ZFYVE26: variants seen among roughly 807,000 people sequenced by gnomAD.
ZFYVE26 encodes the protein zinc finger FYVE-type containing 26, also known as zinc finger FYVE domain-containing protein 26.
In ZFYVE26, 181 loss-of-function variants were observed where a neutral mutation model predicts 276.5. That is an observed-to-expected ratio of 0.65 (90% CI 0.58 to 0.74). The LOEUF is 0.74. Ranked by LOEUF, ZFYVE26 falls within the 30% of genes least tolerant of loss-of-function variation. The pLI is 0.00. For synonymous variants in ZFYVE26, 1,129 were observed against 1,203.1 expected, an observed-to-expected ratio of 0.94 and a Z score of 1.27; for missense variants, 2,821 against 3,097.9, an observed-to-expected ratio of 0.91 and a Z score of 2.12.
In ZFYVE26 at chr14:67,788,130, C is replaced by T. The variant is rs544589788; in HGVS notation, c.3019+1205G>A. 2.4e-4 allele frequency among the ~76,000 whole-genome samples: 36 copies of T among 151,864 alleles called. 1 individual carries two copies. The South Asian group carries it at 7.5e-3, about 32-fold the overall frequency. ...GGGTGGTTGGGTGCGGTGGCTCACG[C>T]CTATAATCCCAGCACTTTGGGAGGC... is the stretch of plus-strand genomic sequence containing the variant. On this transcript the variant is annotated intron_variant, in intron 16 of 41. Coordinates refer to ENST00000347230, the MANE Select transcript of ZFYVE26 (RefSeq NM_015346.4).
chr14:67,761,244 G>T, intron 35 of ZFYVE26, 122 bp downstream of exon 35: 1 of 908,144 alleles, frequency 1.1e-6, no homozygotes, highest in Non-Finnish European at 1.8e-6. Flanking sequence ...CTCTGCTAGA[G>T]ATGGCCCCAT....
chr14:67,798,126 A>C lies in ZFYVE26; in HGVS notation c.2136T>G (p.Ser712Arg). The C allele has an allele frequency of 5.0e-6, 8 of 1,613,962 alleles. No homozygotes were observed. Among genetic ancestry groups the C allele is most frequent in the Non-Finnish European group, 6.8e-6 (8 of 1,179,984 alleles). ...CATCTCTGCTTCCTGAGCAGCTCTGACTTTCTTGCTTTGGCTTCTCAGGAG... is the reference window on the plus strand; with the variant it reads ...CATCTCTGCTTCCTGAGCAGCTCTGCCTTTCTTGCTTTGGCTTCTCAGGAG... The part of the protein sequence containing the change: ...RSPPEKPKQE[S>R]QSCSGSRDGL... Residue 712 changes from serine (S) to arginine (R), a missense_variant, in exon 11 of 42, where the codon AGT becomes AGG. Physicochemically the swap from Ser to Arg is moderately radical, Grantham distance 110. Transcript: ENST00000347230.
chr14:67,768,494 C>A (rs374409861), intron 30 of ZFYVE26, 23 bp downstream of exon 30: 35 of 1,613,518 alleles, frequency 2.2e-5, no homozygotes, highest in Non-Finnish European at 2.8e-5. Flanking sequence ...TGAAGAGTCA[C>A]AGAGAACGGG....
chr14:67,785,723 T>G, intron 18 of ZFYVE26, 135 bp downstream of exon 18: 1 of 1,190,740 alleles, frequency 8.4e-7, no homozygotes, highest in Non-Finnish European at 1.2e-6. Context: ...CATTGAGACA[T>G]GCCCTGGCTA....
chr14:67,804,374 G>T, intron 8 of ZFYVE26, 110 bp from the exon 9 acceptor site: 4 of 1,334,242 alleles, frequency 3.0e-6, no homozygotes, highest in Non-Finnish European at 4.2e-6. Context: ...AATGCCACAG[G>T]CTTCCCTTCC....
chr14:67,748,372 G>A lies in ZFYVE26; in HGVS notation c.*64C>T. The A allele has an allele frequency of 3.2e-6, 5 of 1,547,658 alleles. No individual in the cohort carries two copies. The highest frequency in any genetic ancestry group is 2.3e-4 in the Middle Eastern group (1 of 4,328). On this transcript the variant is annotated 3_prime_UTR_variant, in exon 42 of 42. Coordinates refer to ENST00000347230, the MANE Select transcript of ZFYVE26 (RefSeq NM_015346.4). ...ACTCCACTGGAGGAAAGAGGTGGAG[G>A]GCATCGCCATCACTGCTGTTGCCCA...
chr14:67,803,358 T>A (rs888037059), intron 9 of ZFYVE26, among the ~76,000 whole-genome samples: 11 of 152,348 alleles, frequency 7.2e-5, no homozygotes, highest in East Asian at 5.8e-4. Context: ...TCTTCTTTTT[T>A]TGAGATGGAG....
chr14:67,785,721 C>T, intron 18 of ZFYVE26, 137 bp downstream of exon 18: 2 of 1,173,642 alleles, frequency 1.7e-6, no homozygotes, highest in Non-Finnish European at 2.5e-6. Flanking sequence ...GACATTGAGA[C>T]ATGCCCTGGC....
chr14:67,810,870 G>A (rs2040285522), intron 3 of ZFYVE26, among the ~76,000 whole-genome samples: 3 of 152,070 alleles, frequency 2.0e-5, no homozygotes, highest in South Asian at 4.1e-4. Flanking sequence ...ATGTGTGTGT[G>A]TGAGAGTGTG....
chr14:67,735,462 G>A lies in ZFYVE26; in HGVS notation n.2680-5643C>T, dbSNP rs192167476. ...GCCTTGGCTCTGCACAAACAATGCC[G>A]GGGGATTGGTGGCCGAGACACCGTT... On this transcript the variant is annotated intron_variant and non_coding_transcript_variant, in intron 13 of 14. Coordinates refer to the ZFYVE26 transcript ENST00000394455. The A allele has an allele frequency of 3.8e-4, 222 of 584,430 alleles. 1 individual carries two copies. The African/African-American group carries it at 3.9e-3, about 10-fold the overall frequency. The allele number at this position is 584,430 out of a possible 1,614,324, so 36.2% of individuals were successfully genotyped here.
chr14:67,761,492 G>T lies in ZFYVE26; in HGVS notation c.6462C>A (p.Ile2154=). ...LSLAVIPEGK[I]MNNTYYQECL... is the part of the protein sequence containing the mutation. The stretch of plus-strand genomic sequence containing the variant: ...ATTCCTGGTAGTAGGTGTTGTTCAT[G>T]ATTTTCCCTTCAGGAATCACTGCCA... Residue 2154 remains isoleucine (I), a synonymous_variant, in exon 35 of 42, where the codon ATC becomes ATA. Coordinates refer to ENST00000347230, the MANE Select transcript of ZFYVE26 (RefSeq NM_015346.4). 1 of 1,614,186 alleles carries T rather than the reference G, an allele frequency of 6.2e-7. No individual in the cohort carries two copies. The highest frequency in any genetic ancestry group is 8.5e-7 in the Non-Finnish European group (1 of 1,180,028).
intron 23 of ZFYVE26, 103 bp downstream of exon 23, chr14:67,780,138 T>TA: frequency 1.1e-5 from 12 of 1,059,160 alleles, no homozygotes; most frequent in African/African-American, 1.6e-5. Flanking sequence ...GTTATTTTTT[T>TA]AAAAAGTGAA....
chr14:67,748,619 A>G lies in ZFYVE26; in HGVS notation c.7437T>C (p.Cys2479=). 1 of 1,614,094 alleles carries G rather than the reference A, an allele frequency of 6.2e-7. No individual in the cohort carries two copies. The highest frequency in any genetic ancestry group is 1.3e-5 in the African/African-American group (1 of 75,078). Reference sequence around the variant, plus strand: ...TCAAGTAGGCAGAACGCAGTTTGCAACATATCAGGTAGGCCCGAACCTGGC... The same window carrying G: ...TCAAGTAGGCAGAACGCAGTTTGCAGCATATCAGGTAGGCCCGAACCTGGC... ...DDNKVRAYLI[C]CKLRSAYLIA... is the part of the protein sequence containing the mutation. Residue 2479 remains cysteine (C), a synonymous_variant, in exon 42 of 42, where the codon TGT becomes TGC. Transcript: ENST00000347230.
intron 37 of ZFYVE26, among the ~76,000 whole-genome samples, chr14:67,754,464 T>C (rs1594884506): frequency 1.3e-5 from 2 of 152,346 alleles, no homozygotes; most frequent in Middle Eastern, 6.8e-3. Context: ...TCGATAAGCA[T>C]TTATTGAGCA....
In ZFYVE26 at chr14:67,781,355, G is replaced by T. The variant is rs768593489; in HGVS notation, c.4547C>A (p.Ala1516Glu). ...TACCTTCTGATACACCTGCAGCTCC[G>T]CCAGCTTCCTCTGTAGCTCACACTT... The part of the protein sequence containing the change: ...GLKCELQRKL[A>E]ELQVYQKILG... Residue 1516 changes from alanine to glutamate, a missense_variant, in exon 22 of 42, where the codon GCG (alanine) becomes GAG (glutamate). By Grantham distance (107) the Ala-to-Glu change is moderately radical (BLOSUM62 -1). Transcript: ENST00000347230. 1.9e-6 allele frequency: 3 copies of T among 1,613,968 alleles called. No individual in the cohort carries two copies. The highest frequency in any genetic ancestry group is 2.7e-5 in the African/African-American group (2 of 74,912).
intron 12 of ZFYVE26, among the ~76,000 whole-genome samples, chr14:67,795,454 C>T (rs2039932439): frequency 6.6e-6 from 1 of 152,194 alleles, no homozygotes; most frequent in Non-Finnish European, 1.5e-5. Context: ...CTGATATCCT[C>T]TTTTAAGACA....
chr14:67,776,563 C>T (rs959774946), intron 25 of ZFYVE26, among the ~76,000 whole-genome samples: 3 of 152,208 alleles, frequency 2.0e-5, no homozygotes, highest in African/African-American at 4.8e-5. Flanking sequence ...TTGAGGTCTC[C>T]CTGACCCTTA....
chr14:67,746,427 C>T (rs2038489584), downstream of ZFYVE26: 1 of 122,758 alleles, frequency 8.1e-6, no homozygotes, highest in Admixed American at 9.3e-5. Context: ...GAATTGAAGG[C>T]CATCTGATCT....
rs768990317 is a variant in ZFYVE26, at chr14:67,797,746, G to C, written c.2258C>G (p.Pro753Arg). ...VTSNHRSEEQ[P>R]SRRYQPATRH... ...TGTGGCAGGCTGGTATCTTCGGGAAGGTTGCTCCTCTGAAAGAGCAAACCC... is the reference window on the plus strand; with the variant it reads ...TGTGGCAGGCTGGTATCTTCGGGAACGTTGCTCCTCTGAAAGAGCAAACCC... The change falls in exon 12 of 42, where the codon CCT becomes CGT. Residue 753 changes from proline to arginine, a missense_variant. Transcript: ENST00000347230. 1.2e-6 allele frequency: 2 copies of C among 1,614,108 alleles called. No individual in the cohort carries two copies. The highest frequency in any genetic ancestry group is 2.2e-5 in the South Asian group (2 of 91,076).
Sources: gnomAD v4.1 joint callset for allele counts (sites outside exome capture counted in the v4.1 genomes callset) on GRCh38, gnomAD v4.1.1 for gene constraint, MANE v1.5 for transcripts, NCBI Gene and HGNC (gene_info 2026-07-23, HGNC 2026-07-21) for gene names.